PROS1: variants seen among roughly 807,000 people sequenced by gnomAD.
The protein encoded by PROS1 is protein S, also known as vitamin K-dependent protein S.
In PROS1, 29 loss-of-function variants were observed where a neutral mutation model predicts 75.9. The ratio of observed to expected loss-of-function variants is 0.38; its 90% CI spans 0.28 to 0.52. The LOEUF is 0.52. Ranked by LOEUF, PROS1 falls within the 20% of genes least tolerant of loss-of-function variation. PROS1 has a pLI of 0.83. For synonymous variants in PROS1, 245 were observed against 280.6 expected, an observed-to-expected ratio of 0.87 and a Z score of 1.27; for missense variants, 680 against 810.3, an observed-to-expected ratio of 0.84 and a Z score of 1.95.
chr3:93,942,751 AC>A lies in PROS1; in HGVS notation c.77-15345del, dbSNP rs556511777. Among the ~76,000 whole-genome samples, 61 of 152,160 alleles carry A rather than the reference AC, an allele frequency of 4.0e-4. No individual in the cohort carries two copies. The East Asian group carries it at 0.011, about 28-fold the overall frequency. On this transcript the variant is annotated intron_variant, in intron 1 of 14. Transcript: ENST00000394236. ...ACAAGCCACTAGCCCGCCTCTTAGA[AC>A]CTCTCATTTGCTTTCCATCATGGAA... is the stretch of plus-strand genomic sequence containing the variant.
rs1320423188 is a variant in PROS1, at chr3:93,900,814, C to T, written c.717G>A (p.Lys239=). The change falls in exon 7 of 15, where the codon AAG becomes AAA. Residue 239 remains lysine, a synonymous_variant. Transcript: ENST00000394236. The part of the protein sequence containing the change: ...PEGYRYNLKS[K]SCEDIDECSE... ...CCACCATCATCCTACCTTCACAAGA[C>T]TTTGATTTGAGATTATATCTGTAGC... 6.2e-7 allele frequency: 1 copy of T among 1,612,942 alleles called. No homozygotes were observed. Among genetic ancestry groups the T allele is most frequent in the East Asian group, 2.2e-5 (1 of 44,884 alleles).
Position 93,874,065 on chromosome 3 carries a change from T to C in PROS1, c.*180A>G. The C allele has an allele frequency of 1.5e-6, 1 of 682,368 alleles. No individual in the cohort carries two copies. Among genetic ancestry groups the C allele is most frequent in the South Asian group, 2.4e-5 (1 of 41,138 alleles). 42.3% of individuals were successfully genotyped at this position (682,368 alleles called of 1,614,324 possible). ...GATAGCAAGAGAAGTAAGAATTTCT[T>C]TACTGTGATTTATATCACAACAGAA... On this transcript the variant is annotated 3_prime_UTR_variant, in exon 15 of 15. Coordinates refer to ENST00000394236, the MANE Select transcript of PROS1 (RefSeq NM_000313.4).
At chr3:93,938,954 C>T (rs921947441) in intron 1 of PROS1, among the ~76,000 whole-genome samples, 1 of 152,116 alleles carries the variant, frequency 6.6e-6, no homozygotes, top group African/African-American at 2.4e-5. Context: ...CTCACCACCC[C>T]CCTTCTCCAT....
chr3:93,971,254 G>C (rs748881594), intron 1 of PROS1, among the ~76,000 whole-genome samples: 7 of 151,366 alleles, frequency 4.6e-5, no homozygotes, highest in Non-Finnish European at 7.4e-5. Flanking sequence ...AGGCTGAGGT[G>C]GGGGGATCAC....
rs1387958156 is a variant in PROS1, at chr3:93,873,461, T to C, written c.*784A>G. 2 of 152,184 alleles carry C rather than the reference T, an allele frequency of 1.3e-5. No individual in the cohort carries two copies. The highest frequency in any genetic ancestry group is 6.5e-5 in the Admixed American group (1 of 15,286). 9.4% of individuals were successfully genotyped at this position (152,184 alleles called of 1,614,324 possible). On this transcript the variant is annotated 3_prime_UTR_variant, in exon 15 of 15. Transcript: ENST00000394236. ...AAGGAAAACTATGAACTCCCACATT[T>C]GTTCATTCTCCTTTCCATCCCTGAA...
chr3:93,967,690 A>T (rs1468323359), intron 1 of PROS1, among the ~76,000 whole-genome samples: 1 of 152,184 alleles, frequency 6.6e-6, no homozygotes, highest in African/African-American at 2.4e-5. Context: ...GTTTAAGATC[A>T]GCCTGGGAAA....
intron 1 of PROS1, among the ~76,000 whole-genome samples, chr3:93,941,594 T>G (rs1709289134): frequency 6.6e-6 from 1 of 152,144 alleles, no homozygotes; most frequent in South Asian, 2.1e-4. Flanking sequence ...GAAGACAGCT[T>G]TAGAGACTGC....
At chr3:93,933,812 C>A (rs568440132) in intron 1 of PROS1, among the ~76,000 whole-genome samples, 1 of 151,782 alleles carries the variant, frequency 6.6e-6, no homozygotes, top group Non-Finnish European at 1.5e-5. Flanking sequence ...AGTTTGAGAT[C>A]AGCCTGGCCA....
At chr3:93,956,533 T>TACACACACAC (rs758070649) in intron 1 of PROS1, among the ~76,000 whole-genome samples, 3 of 113,260 alleles carry the variant, frequency 2.6e-5, no homozygotes, top group Admixed American at 9.6e-5. Flanking sequence ...TCTCTCTCTC[T>TACACACACAC]ACACACACAC....
chr3:93,937,831 C>T (rs1709210527), intron 1 of PROS1, among the ~76,000 whole-genome samples: 1 of 152,136 alleles, frequency 6.6e-6, no homozygotes, highest in South Asian at 2.1e-4. Context: ...TCTCTTCCCT[C>T]AGATCCAATA....
At position 93,879,379 on chromosome 3, in the gene PROS1, T is replaced by G. The variant is rs1445967721; in HGVS notation, c.1493-65A>C. On this transcript the variant is annotated intron_variant, in intron 12 of 14. Coordinates refer to ENST00000394236, the MANE Select transcript of PROS1 (RefSeq NM_000313.4). ...CCTAAAGTGCATCAGAAGGAATTATTATTAACACAGTCCAGGTAATATTCA... is the reference window on the plus strand; with the variant it reads ...CCTAAAGTGCATCAGAAGGAATTATGATTAACACAGTCCAGGTAATATTCA... The G allele has an allele frequency of 4.5e-6, 7 of 1,544,176 alleles. No homozygotes were observed. In the East Asian group the frequency reaches 1.3e-4, roughly 30 times the overall value.
intron 3 of PROS1, chr3:93,911,048 G>GCC: frequency 3.4e-6 from 1 of 294,058 alleles, no homozygotes; most frequent in Non-Finnish European, 6.5e-6. Flanking sequence ...ACAAGATGTT[G>GCC]CCCTCAAATC....
intron 1 of PROS1, among the ~76,000 whole-genome samples, chr3:93,941,356 T>C (rs1419490305): frequency 6.6e-6 from 1 of 152,162 alleles, no homozygotes; most frequent in Non-Finnish European, 1.5e-5. Context: ...GCATAGTTCT[T>C]CATGAAAACC....
chr3:93,910,429 T>C (rs935339312), intron 4 of PROS1, among the ~76,000 whole-genome samples, 190 bp downstream of exon 4: 2 of 152,226 alleles, frequency 1.3e-5, no homozygotes, highest in Non-Finnish European at 2.9e-5. Flanking sequence ...AAATTCATTT[T>C]GAGTAATACA....
chr3:93,905,306 T>C (rs775301927), intron 6 of PROS1, among the ~76,000 whole-genome samples: 7 of 152,304 alleles, frequency 4.6e-5, no homozygotes, highest in Non-Finnish European at 1.0e-4. Context: ...AATTGTGTTA[T>C]CAGTACTGTA....
intron 1 of PROS1, among the ~76,000 whole-genome samples, chr3:93,940,124 G>A (rs1709259618): frequency 2.0e-5 from 3 of 152,186 alleles, no homozygotes. Flanking sequence ...CGCAGCCCGG[G>A]ATACCTCCTA....
At chr3:93,940,332 A>G (rs1247017892) in intron 1 of PROS1, among the ~76,000 whole-genome samples, 1 of 152,042 alleles carries the variant, frequency 6.6e-6, no homozygotes, top group African/African-American at 2.4e-5. Context: ...ACCATCACAT[A>G]TGCTTTGGGT....
intron 12 of PROS1, among the ~76,000 whole-genome samples, chr3:93,880,901 T>A (rs1356909801): frequency 1.3e-5 from 2 of 152,342 alleles, no homozygotes; most frequent in Non-Finnish European, 2.9e-5. Context: ...TGGATTTAGT[T>A]TTATCCTAAT....
intron 1 of PROS1, among the ~76,000 whole-genome samples, chr3:93,938,462 G>A (rs149346519): frequency 0.011 from 1,744 of 152,256 alleles, 17 homozygotes; most frequent in Non-Finnish European, 0.02. Flanking sequence ...AAAGACCTGG[G>A]ACAGGAGGAC....
Sources: gnomAD v4.1 joint callset for allele counts (sites outside exome capture counted in the v4.1 genomes callset) on GRCh38, gnomAD v4.1.1 for gene constraint, MANE v1.5 for transcripts, NCBI Gene and HGNC (gene_info 2026-07-23, HGNC 2026-07-21) for gene names.